SPATA7: variants seen among roughly 807,000 people sequenced by gnomAD.
SPATA7 encodes spermatogenesis associated 7.
SPATA7 carries 43 observed loss-of-function variants against 51.8 expected under a neutral mutation model. The ratio of observed to expected loss-of-function variants is 0.83; its 90% CI spans 0.65 to 1.07. The LOEUF (loss-of-function observed/expected upper bound fraction) is 1.07, where lower values mean the gene tolerates loss of function less well. Ranked by LOEUF, SPATA7 falls within the 50% of genes least tolerant of loss-of-function variation. The pLI, the probability that SPATA7 is intolerant of heterozygous loss-of-function variation, is 0.00. For missense variants in SPATA7, 683 were observed against 701.3 expected (o/e 0.97, Z 0.30); for synonymous variants, 230 against 252.8 (o/e 0.91, Z 0.86).
intron 5 of SPATA7, among the ~76,000 whole-genome samples, chr14:88,418,695 A>G (rs1313207826): frequency 6.6e-6 from 1 of 152,016 alleles, no homozygotes; most frequent in Non-Finnish European, 1.5e-5. Flanking sequence ...GTTGGTCTCT[A>G]ACTCCTGACC....
At chr14:88,407,868 C>T (rs1375079991) in intron 4 of SPATA7, among the ~76,000 whole-genome samples, 1 of 152,146 alleles carries the variant, frequency 6.6e-6, no homozygotes, top group Non-Finnish European at 1.5e-5. Context: ...ATAGGGACTC[C>T]TTTCCCCATT....
At chr14:88,450,178 A>G (rs900079369) in intron 3 of SPATA7, among the ~76,000 whole-genome samples, 1 of 152,018 alleles carries the variant, frequency 6.6e-6, no homozygotes, top group African/African-American at 2.4e-5. Flanking sequence ...ACCTAAGTTT[A>G]TGTGAGTCTT....
intron 3 of SPATA7, among the ~76,000 whole-genome samples, chr14:88,444,068 C>A (rs985948407): frequency 1.2e-4 from 18 of 152,108 alleles, no homozygotes; most frequent in African/African-American, 4.1e-4. Context: ...CACTGACTTT[C>A]ACAATGGTTG....
downstream of SPATA7, among the ~76,000 whole-genome samples, chr14:88,439,106 A>G (rs1057391325): frequency 6.6e-6 from 1 of 152,180 alleles, no homozygotes; most frequent in Non-Finnish European, 1.5e-5. Flanking sequence ...TTTTCAGAGG[A>G]ACATATTTTA....
At chr14:88,421,725 C>T (rs1425468461) in intron 5 of SPATA7, among the ~76,000 whole-genome samples, 2 of 151,904 alleles carry the variant, frequency 1.3e-5, no homozygotes, top group African/African-American at 2.4e-5. Context: ...CTGAGGCGGG[C>T]GGATCACAAG....
Position 88,391,395 on chromosome 14 carries a change from G to T in SPATA7, c.34G>T (p.Val12Phe). The change falls in exon 2 of 12, where the codon GTC (valine) becomes TTC (phenylalanine). Residue 12 changes from valine to phenylalanine, a missense_variant. Transcript: ENST00000393545. ...DGSRRVRATS[V>F]LPRYGPPCLF... ...CTTGTTAAAAGTCAGAGCAACCTCT[G>T]TCCTTCCCAGATATGGTCCACCGTG... The T allele has an allele frequency of 3.1e-6, 5 of 1,613,058 alleles. No homozygotes were observed. The highest frequency in any genetic ancestry group is 4.2e-6 in the Non-Finnish European group (5 of 1,179,512).
At chr14:88,430,340 C>A (rs1474643046) in intron 8 of SPATA7, among the ~76,000 whole-genome samples, 1 of 152,074 alleles carries the variant, frequency 6.6e-6, no homozygotes, top group Non-Finnish European at 1.5e-5. Flanking sequence ...TGTTTCAACA[C>A]ATATAACTTA....
rs2077422362 is a variant in SPATA7, at chr14:88,469,529, C to T, written c.255-318C>T. Reference sequence around the variant, plus strand: ...AATCCCTTGAGGTCTTCTGGACAGCCATGTTCAGGCCAGTCTGTGTATTGG... The same window carrying T: ...AATCCCTTGAGGTCTTCTGGACAGCTATGTTCAGGCCAGTCTGTGTATTGG... On this transcript the variant is annotated intron_variant, in intron 4 of 4. Coordinates refer to the SPATA7 transcript ENST00000556406. The surrounding 1 kb of genome is among the most constrained non-coding windows in gnomAD (Gnocchi z 4.3). 1.2e-6 allele frequency: 2 copies of T among 1,614,024 alleles called. No individual in the cohort carries two copies. The highest frequency in any genetic ancestry group is 1.7e-6 in the Non-Finnish European group (2 of 1,180,004).
intron 5 of SPATA7, among the ~76,000 whole-genome samples, chr14:88,422,496 TAATTA>T (rs1436745038): frequency 1.3e-5 from 2 of 151,338 alleles, no homozygotes; most frequent in Non-Finnish European, 2.9e-5. Flanking sequence ...TATAAATTAC[TAATTA>T]AATTTTGAGA....
rs181238488 is a variant in SPATA7, at chr14:88,465,611, C to T, written c.255-4236C>T. On this transcript the variant is annotated intron_variant, in intron 4 of 4. Transcript: ENST00000556406. ...TGGAAAACAGTGGTTTATAACTCTA[C>T]GTTTTGTGGAAGTGCACATTTTGAT... Among the ~76,000 whole-genome samples the T allele has an allele frequency of 6.6e-5, 10 of 152,276 alleles. No individual in the cohort carries two copies. The East Asian group carries it at 9.6e-4, about 15-fold the overall frequency.
chr14:88,448,045 G>A (rs1686497477), intron 3 of SPATA7, among the ~76,000 whole-genome samples: 2 of 151,900 alleles, frequency 1.3e-5, no homozygotes, highest in Admixed American at 6.6e-5. Context: ...TTGCTAGATT[G>A]GGGAAGTTCT....
intron 9 of SPATA7, among the ~76,000 whole-genome samples, chr14:88,432,180 G>A (rs1595287436): frequency 6.6e-6 from 1 of 151,958 alleles, no homozygotes; most frequent in East Asian, 1.9e-4. Context: ...GCAGTTCTTT[G>A]CAGATATTTT....
downstream of SPATA7, among the ~76,000 whole-genome samples, chr14:88,439,888 T>G (rs74075329): frequency 0.026 from 3,963 of 152,208 alleles, 181 homozygotes; most frequent in African/African-American, 0.09. Flanking sequence ...TGGCACACCT[T>G]CCCCTCAGCC....
At chr14:88,401,005 G>A (rs1038479851) in intron 4 of SPATA7, among the ~76,000 whole-genome samples, 1 of 152,134 alleles carries the variant, frequency 6.6e-6, no homozygotes, top group African/African-American at 2.4e-5. Flanking sequence ...TATGAGGCTA[G>A]CACCACCCTG....
chr14:88,468,722 C>T (rs1424228340), intron 4 of SPATA7, among the ~76,000 whole-genome samples: 1 of 152,124 alleles, frequency 6.6e-6, no homozygotes, highest in African/African-American at 2.4e-5. Flanking sequence ...CGTATGACTT[C>T]TTAGTCTTTA....
chr14:88,405,149 C>T (rs1165696261), intron 4 of SPATA7, among the ~76,000 whole-genome samples: 1 of 152,070 alleles, frequency 6.6e-6, no homozygotes, highest in Non-Finnish European at 1.5e-5. Flanking sequence ...AGTTTAAAAG[C>T]CTTGAAATGG....
Position 88,385,830 on chromosome 14 carries a change from C to T in SPATA7, c.12C>T (p.Ser4=), listed in dbSNP as rs2075554496. Residue 4 remains serine (S), a synonymous_variant, in exon 1 of 12, where the codon AGC becomes AGT. Coordinates refer to ENST00000393545, the MANE Select transcript of SPATA7 (RefSeq NM_018418.5). MDG[S]RRVRATSVLP... is the part of the protein sequence containing the mutation. ...CAAGAGGACTAAGCATGGATGGCAGCCGGAGAGGTAAAGGGCAGCTGTCAG... is the reference window on the plus strand; with the variant it reads ...CAAGAGGACTAAGCATGGATGGCAGTCGGAGAGGTAAAGGGCAGCTGTCAG... The T allele has an allele frequency of 6.9e-6, 11 of 1,604,358 alleles. No homozygotes were observed. The Admixed American group carries it at 1.4e-4, about 20-fold the overall frequency.
At chr14:88,387,613 G>A (rs77197636) in intron 1 of SPATA7, among the ~76,000 whole-genome samples, 1,765 of 152,178 alleles carry the variant, frequency 0.012, 19 homozygotes, top group Middle Eastern at 0.034. Context: ...CTGTAATCAC[G>A]TTTTAGACAT....
At chr14:88,404,546 T>C (rs1164614082) in intron 4 of SPATA7, among the ~76,000 whole-genome samples, 2 of 152,096 alleles carry the variant, frequency 1.3e-5, no homozygotes, top group East Asian at 3.9e-4. Flanking sequence ...ATGAAACCCG[T>C]TCTCTACTAA....
Sources: allele counts gnomAD v4.1 joint callset (sites outside exome capture counted in the v4.1 genomes callset), GRCh38; gene constraint gnomAD v4.1.1; non-coding constraint Gnocchi (gnomAD v3.1); transcripts MANE v1.5; gene names NCBI Gene and HGNC (gene_info 2026-07-23, HGNC 2026-07-21).